ARHGAP44: variants seen among roughly 807,000 people sequenced by gnomAD.
ARHGAP44 encodes rho GTPase-activating protein 44.
Under a neutral mutation model 106.8 loss-of-function variants are expected in ARHGAP44, and 43 were observed. The ratio of observed to expected loss-of-function variants is 0.40; its 90% confidence interval spans 0.32 to 0.52. The LOEUF (loss-of-function observed/expected upper bound fraction) is 0.52. ARHGAP44 is among the 20% of genes least tolerant of loss of function. The probability of loss-of-function intolerance (pLI) is 0.48; values close to 1 mark genes in which losing one functional copy is unlikely to be tolerated. For missense variants in ARHGAP44, 866 were observed against 1,050.5 expected (o/e 0.82, Z 2.43); for synonymous variants, 439 against 410.3 (o/e 1.07, Z -0.85).
chr17:12,956,881 A>ACG, intron 15 of ARHGAP44, 135 bp downstream of exon 15: 1 of 652,318 alleles, frequency 1.5e-6, no homozygotes, highest in South Asian at 1.8e-5. Context: ...ACACACACAC[A>ACG]CACACACGCA....
intron 1 of ARHGAP44, among the ~76,000 whole-genome samples, chr17:12,806,758 A>G (rs1324749810): frequency 6.6e-6 from 1 of 152,244 alleles, no homozygotes; most frequent in East Asian, 1.9e-4. Context: ...GCAGATAGCA[A>G]TAAATCTATC....
chr17:12,815,088 GA>G (rs2034558547), intron 1 of ARHGAP44, among the ~76,000 whole-genome samples: 2 of 151,642 alleles, frequency 1.3e-5, no homozygotes, highest in African/African-American at 4.8e-5. Context: ...TGGCTTTAGA[GA>G]AGTGAGGACA....
intron 7 of ARHGAP44, among the ~76,000 whole-genome samples, chr17:12,937,514 G>C (rs2038583424): frequency 6.6e-6 from 1 of 152,142 alleles, no homozygotes; most frequent in African/African-American, 2.4e-5. Flanking sequence ...GTTTCTGCTA[G>C]TATCTTTTTA....
At chr17:12,979,814 G>C (rs1329200515) in intron 18 of ARHGAP44, among the ~76,000 whole-genome samples, 1 of 152,198 alleles carries the variant, frequency 6.6e-6, no homozygotes, top group African/African-American at 2.4e-5. Context: ...GGCATGAAAA[G>C]GGCATTGGCA....
chr17:12,877,081 A>T (rs945131279), intron 1 of ARHGAP44, among the ~76,000 whole-genome samples: 1 of 152,190 alleles, frequency 6.6e-6, no homozygotes, highest in Non-Finnish European at 1.5e-5. Flanking sequence ...TTGGAAACTT[A>T]TTTATCTGAA....
Position 12,802,948 on chromosome 17 carries a change from TATATATATATA to T in ARHGAP44, c.53+13058_53+13068del, listed in dbSNP as rs2034148733. Among the ~76,000 whole-genome samples, 137 of 36,204 alleles carry T rather than the reference TATATATATATA, an allele frequency of 3.8e-3. 29 individuals are homozygous for T. Among genetic ancestry groups the T allele is most frequent in the African/African-American group, 0.014 (119 of 8,546 alleles). The allele number at this position is 36,204 out of a possible 152,430, so 23.8% of individuals were successfully genotyped here. ...TAATTTATATATATATATATATATA[TATATATATATA>T]TATATATATATTTTTTTTTTTTTTT... On this transcript the variant is annotated intron_variant, in intron 1 of 20. Coordinates refer to ENST00000379672, the MANE Select transcript of ARHGAP44 (RefSeq NM_014859.6).
intron 16 of ARHGAP44, among the ~76,000 whole-genome samples, chr17:12,965,866 C>T (rs2039377904): frequency 6.6e-6 from 1 of 152,032 alleles, no homozygotes; most frequent in Admixed American, 6.6e-5. Context: ...CATTAAAATC[C>T]CTGAGGCCAG....
intron 3 of ARHGAP44, among the ~76,000 whole-genome samples, chr17:12,898,499 G>A (rs946588827): frequency 2.0e-5 from 3 of 152,292 alleles, no homozygotes; most frequent in South Asian, 4.1e-4. Context: ...TGAGAAAAAG[G>A]CACTTAATTG....
chr17:12,984,580 G>A lies in ARHGAP44; in HGVS notation c.1989G>A (p.Pro663=), dbSNP rs576435385. Residue 663 remains proline, a synonymous_variant, in exon 20 of 21, where the codon CCG becomes CCA. Coordinates refer to ENST00000379672, the MANE Select transcript of ARHGAP44 (RefSeq NM_014859.6). ...PIPPKVPFGQ[P]GAMADQSAGQ... ...CACCCAAGGTCCCCTTTGGCCAGCC[G>A]GGGGCTATGGCAGACCAGTCCGCTG... The A allele has an allele frequency of 6.3e-6, 10 of 1,576,858 alleles. No homozygotes were observed. The highest frequency in any genetic ancestry group is 2.3e-5 in the East Asian group (1 of 44,434).
At chr17:12,867,528 T>C (rs1397069130) in intron 1 of ARHGAP44, among the ~76,000 whole-genome samples, 1 of 152,152 alleles carries the variant, frequency 6.6e-6, no homozygotes, top group Non-Finnish European at 1.5e-5. Flanking sequence ...TATTTTGTCA[T>C]TTCAGCATCA....
intron 4 of ARHGAP44, among the ~76,000 whole-genome samples, chr17:12,910,606 G>A (rs1479621671): frequency 1.3e-5 from 2 of 151,588 alleles, no homozygotes; most frequent in East Asian, 1.9e-4. Flanking sequence ...CCACCACGCC[G>A]GGCTAATTTT....
intron 1 of ARHGAP44, among the ~76,000 whole-genome samples, chr17:12,802,767 T>A (rs2034133504): frequency 7.1e-6 from 1 of 140,168 alleles, no homozygotes; most frequent in Admixed American, 7.1e-5. Flanking sequence ...TTTTTTTTTT[T>A]TTTTTTTTTG....
chr17:12,980,787 G>A (rs1427251813), intron 19 of ARHGAP44: 1 of 152,918 alleles, frequency 6.5e-6, no homozygotes, highest in South Asian at 2.1e-4. Context: ...TTTCATAAAT[G>A]GGGAGCTGTA....
intron 1 of ARHGAP44, among the ~76,000 whole-genome samples, chr17:12,889,362 C>T (rs1255346744): frequency 6.6e-6 from 1 of 152,150 alleles, no homozygotes; most frequent in African/African-American, 2.4e-5. Context: ...AAGGGGCTAG[C>T]ATCTGGTGAA....
chr17:12,903,126 G>GAGAGGGGA (rs57334058), intron 3 of ARHGAP44, among the ~76,000 whole-genome samples: 1 of 70,698 alleles, frequency 1.4e-5, no homozygotes, highest in Non-Finnish European at 2.6e-5. Context: ...GAGAGAGAGA[G>GAGAGGGGA]GAGAGAGAGA....
At chr17:12,911,372 G>T (rs779164459) in intron 4 of ARHGAP44, among the ~76,000 whole-genome samples, 17 of 151,752 alleles carry the variant, frequency 1.1e-4, no homozygotes, top group Non-Finnish European at 1.8e-4. Context: ...GCAGGAAAAA[G>T]CAGACAACAG....
In ARHGAP44 at chr17:12,949,781, G is replaced by T. The variant is rs1373813540; in HGVS notation, c.1055+51G>T. 6.5e-7 allele frequency: 1 copy of T among 1,540,992 alleles called. No individual in the cohort carries two copies. The highest frequency in any genetic ancestry group is 2.2e-5 in the East Asian group (1 of 44,532). On this transcript the variant is annotated intron_variant, in intron 12 of 20. Coordinates refer to ENST00000379672, the MANE Select transcript of ARHGAP44 (RefSeq NM_014859.6). The surrounding 1 kb of genome is among the most constrained non-coding windows in gnomAD (Gnocchi z 4.1). ...CCTGTGAGTTACAGTTTATTTGGGA[G>T]TATGTGCTGAAATTATAGAAGCATG... is the stretch of plus-strand genomic sequence containing the variant.
At chr17:12,977,196 G>A (rs939540810) in intron 18 of ARHGAP44, among the ~76,000 whole-genome samples, 1 of 152,018 alleles carries the variant, frequency 6.6e-6, no homozygotes, top group African/African-American at 2.4e-5. Flanking sequence ...GACCGGTTTA[G>A]TAACTTTTCT....
intron 1 of ARHGAP44, among the ~76,000 whole-genome samples, chr17:12,831,312 G>C (rs1465997114): frequency 6.6e-6 from 1 of 152,162 alleles, no homozygotes; most frequent in Admixed American, 6.5e-5. Context: ...GCTTTCTCCT[G>C]TTATTTTACC....
Sources: gnomAD v4.1 joint callset for allele counts (sites outside exome capture counted in the v4.1 genomes callset) on GRCh38, gnomAD v4.1.1 for gene constraint, Gnocchi (gnomAD v3.1) non-coding constraint, MANE v1.5 for transcripts, NCBI Gene and HGNC (gene_info 2026-07-23, HGNC 2026-07-21) for gene names.